The following C20orf203 variants were observed in gnomAD, a reference collection of about 807,000 sequenced individuals.
C20orf203 encodes the protein chromosome 20 open reading frame 203, also known as uncharacterized protein C20orf203.
C20orf203 carries 16 observed loss-of-function variants against 15.9 expected under a neutral mutation model. That is an observed-to-expected ratio of 1.01 (90% confidence interval 0.68 to 1.53). The LOEUF (loss-of-function observed/expected upper bound fraction) is 1.53, where lower values mean the gene tolerates loss of function less well. Among genes scored for constraint, C20orf203 ranks in the 40% most tolerant of loss-of-function variants. The pLI is 0.00. For synonymous variants in C20orf203, 98 were observed against 97.2 expected (o/e 1.01, Z -0.05); for missense variants, 263 against 247.5 (o/e 1.06, Z -0.42).
At chr20:32,647,199 C>T (rs534520543) in intron 4 of C20orf203, among the ~76,000 whole-genome samples, 2 of 150,122 alleles carry the variant, frequency 1.3e-5, no homozygotes, top group South Asian at 2.1e-4. Context: ...GTTTGAGACC[C>T]GTCTGGCCAA....
At chr20:32,641,329 A>G (rs1982274783) in intron 4 of C20orf203, among the ~76,000 whole-genome samples, 1 of 148,912 alleles carries the variant, frequency 6.7e-6, no homozygotes. Flanking sequence ...AGCACTCAAA[A>G]ACTCAAAAAA....
At chr20:32,644,939 G>C (rs1009488560) in intron 4 of C20orf203, among the ~76,000 whole-genome samples, 1 of 151,996 alleles carries the variant, frequency 6.6e-6, no homozygotes, top group Non-Finnish European at 1.5e-5. Context: ...CAGGGATGCA[G>C]CAGGGCTAGG....
At chr20:32,670,576 G>A (rs1395412352) in intron 1 of C20orf203, among the ~76,000 whole-genome samples, 1 of 152,102 alleles carries the variant, frequency 6.6e-6, no homozygotes, top group Admixed American at 6.6e-5. Context: ...GTTCACACCT[G>A]TAATCCCAGC....
At chr20:32,644,879 C>T (rs528723739) in intron 4 of C20orf203, among the ~76,000 whole-genome samples, 3 of 151,758 alleles carry the variant, frequency 2.0e-5, no homozygotes, top group South Asian at 4.2e-4. Flanking sequence ...ATAATAATCC[C>T]TCTTCACAGA....
intron 4 of C20orf203, among the ~76,000 whole-genome samples, chr20:32,643,083 G>A (rs954218437): frequency 6.6e-6 from 1 of 152,142 alleles, no homozygotes; most frequent in Non-Finnish European, 1.5e-5. Flanking sequence ...ACCAGCCGCC[G>A]CATGAAGGTG....
At chr20:32,644,238 A>G (rs1256012047) in intron 4 of C20orf203, among the ~76,000 whole-genome samples, 2 of 152,184 alleles carry the variant, frequency 1.3e-5, no homozygotes, top group Non-Finnish European at 2.9e-5. Flanking sequence ...GCCTGAGCTC[A>G]GGGGTTCAAG....
intron 5 of C20orf203, among the ~76,000 whole-genome samples, chr20:32,639,930 G>C (rs1266071322): frequency 6.6e-6 from 1 of 152,168 alleles, no homozygotes; most frequent in Non-Finnish European, 1.5e-5. Context: ...CCAAGGGTTG[G>C]GGTCTGTACC....
At chr20:32,659,690 CTGAGAA>C (rs1042523970) in intron 1 of C20orf203, among the ~76,000 whole-genome samples, 1 of 152,206 alleles carries the variant, frequency 6.6e-6, no homozygotes, top group African/African-American at 2.4e-5. Flanking sequence ...GATGAGGACT[CTGAGAA>C]TGAGAGGGGA....
At chr20:32,652,322 CAAA>C (rs11483593) in intron 1 of C20orf203, among the ~76,000 whole-genome samples, 5 of 18,248 alleles carry the variant, frequency 2.7e-4, no homozygotes, top group African/African-American at 8.0e-4. Flanking sequence ...GACTCCATCT[CAAA>C]AAAAAAAAAA....
chr20:32,666,296 A>G (rs1983023539), intron 1 of C20orf203, among the ~76,000 whole-genome samples: 1 of 151,516 alleles, frequency 6.6e-6, no homozygotes, highest in Admixed American at 6.6e-5. Flanking sequence ...GCAAAACCCC[A>G]TCTCTACAAA....
chr20:32,663,351 AATT>A (rs2033981293), intron 1 of C20orf203, among the ~76,000 whole-genome samples: 1 of 152,172 alleles, frequency 6.6e-6, no homozygotes, highest in Non-Finnish European at 1.5e-5. Flanking sequence ...TGGCTAAATA[AATT>A]ATTAATAGAA....
chr20:32,655,820 G>T (rs1389572798), intron 1 of C20orf203, among the ~76,000 whole-genome samples: 3 of 152,094 alleles, frequency 2.0e-5, no homozygotes, highest in Non-Finnish European at 2.9e-5. Flanking sequence ...AATAGAAACA[G>T]GCAGATATGG....
intron 4 of C20orf203, among the ~76,000 whole-genome samples, chr20:32,648,531 C>G (rs1264461350): frequency 6.7e-6 from 1 of 148,160 alleles, no homozygotes; most frequent in Non-Finnish European, 1.5e-5. Context: ...AGCTCCGCCT[C>G]CCAGGTTCAC....
intron 1 of C20orf203, among the ~76,000 whole-genome samples, chr20:32,668,662 A>G (rs1270845240): frequency 1.3e-5 from 2 of 151,828 alleles, no homozygotes; most frequent in South Asian, 4.2e-4. Flanking sequence ...ATAAATTAAA[A>G]AAATAGCTGG....
At chr20:32,663,814 C>T (rs1217646266) in intron 1 of C20orf203, among the ~76,000 whole-genome samples, 1 of 152,232 alleles carries the variant, frequency 6.6e-6, no homozygotes, top group Non-Finnish European at 1.5e-5. Flanking sequence ...GGACGGCCTG[C>T]ACCACACTGT....
intron 4 of C20orf203, among the ~76,000 whole-genome samples, chr20:32,645,671 A>G (rs1982404671): frequency 6.6e-6 from 1 of 152,198 alleles, no homozygotes; most frequent in East Asian, 1.9e-4. Context: ...GCCCATCTTC[A>G]AGCCCTCCGA....
Position 32,650,295 on chromosome 20 carries a change from G to T in C20orf203, c.*137C>A, listed in dbSNP as rs1600932291. 1.5e-6 allele frequency: 1 copy of T among 656,322 alleles called. No individual in the cohort carries two copies. The highest frequency in any genetic ancestry group is 2.7e-5 in the East Asian group (1 of 36,574). 40.7% of individuals were successfully genotyped at this position (656,322 alleles called of 1,614,324 possible). A position where few individuals can be genotyped will look rare whatever the true frequency, so the allele number is the denominator to read the frequency against. On this transcript the variant is annotated 3_prime_UTR_variant, in exon 4 of 6. Transcript: ENST00000608990. The stretch of plus-strand genomic sequence containing the variant: ...TGCCCAGAATCTCCTTGAGGTTTCA[G>T]CTGGGCGTGCCGGGCCCATCCCCCA...
chr20:32,641,117 G>A (rs971608194), intron 4 of C20orf203, among the ~76,000 whole-genome samples: 5 of 151,906 alleles, frequency 3.3e-5, no homozygotes, highest in Non-Finnish European at 7.4e-5. Context: ...CCAGGAGTTC[G>A]AGACCAGCCT....
chr20:32,637,908 G>A (rs116708068), intron 5 of C20orf203, among the ~76,000 whole-genome samples: 5,951 of 152,104 alleles, frequency 0.039, 390 homozygotes, highest in African/African-American at 0.14. Context: ...ATGTGCCTGT[G>A]TGTGTGCCTG....
Sources: allele counts gnomAD v4.1 joint callset (sites outside exome capture counted in the v4.1 genomes callset), GRCh38; gene constraint gnomAD v4.1.1; transcripts MANE v1.5; gene names NCBI Gene and HGNC (gene_info 2026-07-23, HGNC 2026-07-21).